Variants in UGT2A1 observed in about 807,000 individuals in gnomAD.
The protein encoded by UGT2A1 is UDP glucuronosyltransferase family 2 member A1 complex locus.
In UGT2A1, 61 loss-of-function variants were observed where a neutral mutation model predicts 45.4. The observed-to-expected ratio is 1.34, with a 90% CI of 1.09 to 1.66. The LOEUF (loss-of-function observed/expected upper bound fraction) is 1.66, where lower values mean the gene tolerates loss of function less well. Among genes scored for constraint, UGT2A1 ranks in the 40% most tolerant of loss-of-function variants. The pLI is 0.00. For synonymous variants in UGT2A1, 229 were observed against 196.2 expected (o/e 1.17, Z -1.40); for missense variants, 649 against 574.3 (o/e 1.13, Z -1.33).
intron 3 of UGT2A1, among the ~76,000 whole-genome samples, chr4:69,607,487 A>G (rs1004351119): frequency 1.3e-5 from 2 of 151,962 alleles, no homozygotes; most frequent in African/African-American, 4.8e-5. Flanking sequence ...CCTAGGCAAT[A>G]CCATTCAGGA....
At chr4:69,630,906 C>T (rs1046012534) in intron 3 of UGT2A1, among the ~76,000 whole-genome samples, 3 of 151,510 alleles carry the variant, frequency 2.0e-5, no homozygotes, top group Admixed American at 2.0e-4. Context: ...GTAAGAATTA[C>T]ACTGTGGTGT....
intron 3 of UGT2A1, among the ~76,000 whole-genome samples, chr4:69,623,234 A>G (rs976474711): frequency 2.6e-5 from 4 of 151,794 alleles, no homozygotes; most frequent in Non-Finnish European, 4.4e-5. Context: ...ACTGCATGCC[A>G]AGTGATACCA....
intron 3 of UGT2A1, among the ~76,000 whole-genome samples, chr4:69,617,701 A>G (rs906776097): frequency 5.9e-5 from 9 of 151,924 alleles, no homozygotes; most frequent in African/African-American, 2.2e-4. Flanking sequence ...ATACTAAAAT[A>G]ATATAAATTA....
At chr4:69,600,101 A>C (rs1719181553) in intron 3 of UGT2A1, among the ~76,000 whole-genome samples, 1 of 152,202 alleles carries the variant, frequency 6.6e-6, no homozygotes, top group Non-Finnish European at 1.5e-5. Flanking sequence ...GCAGCAGCCT[A>C]TCCTGTGAGC....
At chr4:69,639,244 G>A in intron 2 of UGT2A1, 2 of 1,613,636 alleles carry the variant, frequency 1.2e-6, no homozygotes, top group Non-Finnish European at 1.7e-6. Context: ...TCACAGAGTT[G>A]TATGTTAATT....
chr4:69,605,453 C>A (rs1170564307), intron 3 of UGT2A1, among the ~76,000 whole-genome samples: 1 of 136,568 alleles, frequency 7.3e-6, no homozygotes, highest in Non-Finnish European at 1.6e-5. Flanking sequence ...GCACTAAATG[C>A]CCACAGAACA....
chr4:69,612,088 T>C lies in UGT2A1; in HGVS notation c.848-12694A>G, dbSNP rs191571932. 5.3e-5 allele frequency among the ~76,000 whole-genome samples: 8 copies of C among 152,198 alleles called. No homozygotes were observed. In the East Asian group the frequency reaches 9.7e-4, roughly 18 times the overall value. On this transcript the variant is annotated intron_variant, in intron 3 of 6. Transcript: ENST00000286604. Reference sequence around the variant, plus strand: ...AAAGCATCTTGGAAGAAACTGACACTAGCCTCAAAGCCTTCCCACAGATCA... The same window carrying C: ...AAAGCATCTTGGAAGAAACTGACACCAGCCTCAAAGCCTTCCCACAGATCA...
intron 3 of UGT2A1, among the ~76,000 whole-genome samples, chr4:69,629,656 A>T (rs73824181): frequency 0.11 from 17,258 of 152,032 alleles, 1,013 homozygotes; most frequent in South Asian, 0.21. Context: ...ACCACATATC[A>T]TTTCTAGGAA....
chr4:69,639,149 A>G, intron 2 of UGT2A1: 1 of 1,613,680 alleles, frequency 6.2e-7, no homozygotes. Flanking sequence ...CAAGATCACC[A>G]CAGATTGTTA....
chr4:69,647,688 G>T lies in UGT2A1; in HGVS notation c.-44C>A. 2 of 1,302,312 alleles carry T rather than the reference G, an allele frequency of 1.5e-6. No individual in the cohort carries two copies. The highest frequency in any genetic ancestry group is 2.1e-6 in the Non-Finnish European group (2 of 967,090). 80.7% of individuals were successfully genotyped at this position (1,302,312 alleles called of 1,614,324 possible). On this transcript the variant is annotated 5_prime_UTR_variant, in exon 2 of 7. Coordinates refer to ENST00000286604, the MANE Select transcript of UGT2A1 (RefSeq NM_001252275.3). ...AGATTTGATGAGATGTGAAGCAAATGTTTTTCTCTGCTTTTAAAGAAAAAA... is the reference window on the plus strand; with the variant it reads ...AGATTTGATGAGATGTGAAGCAAATTTTTTTCTCTGCTTTTAAAGAAAAAA...
chr4:69,621,153 A>G (rs1299342113), intron 3 of UGT2A1, among the ~76,000 whole-genome samples: 1 of 152,076 alleles, frequency 6.6e-6, no homozygotes, highest in Non-Finnish European at 1.5e-5. Flanking sequence ...GACAAATCAT[A>G]TCTAATTAAA....
At chr4:69,634,402 G>C (rs187432423) in intron 3 of UGT2A1, among the ~76,000 whole-genome samples, 265 of 152,172 alleles carry the variant, frequency 1.7e-3, no homozygotes, top group African/African-American at 6.2e-3. Context: ...GGGAAGCAGG[G>C]TATGAGAATT....
At chr4:69,643,619 T>C (rs1046653869) in intron 2 of UGT2A1, among the ~76,000 whole-genome samples, 1 of 151,572 alleles carries the variant, frequency 6.6e-6, no homozygotes, top group Non-Finnish European at 1.5e-5. Context: ...TTGAGCTAAA[T>C]GCCCATGATC....
intron 1 of UGT2A1, 75 bp downstream of exon 1, chr4:69,653,113 C>A (rs1182309767): frequency 6.6e-6 from 1 of 152,158 alleles, no homozygotes; most frequent in South Asian, 2.1e-4. Context: ...ATTGATATTT[C>A]TTTAAGAAGA....
chr4:69,641,511 G>A (rs547200383), intron 2 of UGT2A1, among the ~76,000 whole-genome samples: 9 of 151,534 alleles, frequency 5.9e-5, no homozygotes, highest in African/African-American at 2.2e-4. Flanking sequence ...GTCTCCCCAA[G>A]GCCAAAAAAA....
chr4:69,609,155 A>AT (rs10627999), intron 3 of UGT2A1, among the ~76,000 whole-genome samples: 31,568 of 142,084 alleles, frequency 0.22, 4,188 homozygotes, highest in East Asian at 0.52. Context: ...AATATATAAG[A>AT]TTTTTTTTTT....
intron 3 of UGT2A1, among the ~76,000 whole-genome samples, chr4:69,618,815 A>T (rs1442012832): frequency 6.6e-6 from 1 of 151,960 alleles, no homozygotes; most frequent in South Asian, 2.1e-4. Flanking sequence ...GATGAAAATT[A>T]TGAAACAACT....
chr4:69,645,623 A>C (rs983712913), intron 2 of UGT2A1, among the ~76,000 whole-genome samples: 1 of 151,124 alleles, frequency 6.6e-6, no homozygotes, highest in Admixed American at 6.6e-5. Flanking sequence ...GTCTAGTCTC[A>C]CACCTCTCAA....
rs528149193 is a variant in UGT2A1, at chr4:69,606,004, G to C, written c.848-6610C>G. Among the ~76,000 whole-genome samples the C allele has an allele frequency of 4.0e-4, 54 of 136,688 alleles. 9 individuals carry two copies. The highest frequency in any genetic ancestry group is 1.6e-3 in the African/African-American group (54 of 33,788). The allele number at this position is 136,688 out of a possible 152,430, so 89.7% of individuals were successfully genotyped here. ...AATTCTACCAGAAGTACAAGGAGGA[G>C]CTGGTACCATTCCTTCTGAAACTAT... On this transcript the variant is annotated intron_variant, in intron 3 of 6. Coordinates refer to ENST00000286604, the MANE Select transcript of UGT2A1 (RefSeq NM_001252275.3).
Sources: gnomAD v4.1 joint callset for allele counts (sites outside exome capture counted in the v4.1 genomes callset) on GRCh38, gnomAD v4.1.1 for gene constraint, MANE v1.5 for transcripts, NCBI Gene and HGNC (gene_info 2026-07-23, HGNC 2026-07-21) for gene names.